The following SRC variants were observed in gnomAD, a reference collection of about 807,000 sequenced individuals.
SRC encodes the protein SRC proto-oncogene, non-receptor tyrosine kinase.
SRC carries 13 observed loss-of-function variants against 62.9 expected under a neutral mutation model. The observed-to-expected ratio is 0.21, with a 90% CI of 0.13 to 0.33. The LOEUF (loss-of-function observed/expected upper bound fraction) is 0.33. Ranked by LOEUF, SRC falls within the 10% of genes least tolerant of loss-of-function variation. The probability of loss-of-function intolerance (pLI) is 1.00; values close to 1 mark genes in which losing one functional copy is unlikely to be tolerated. For synonymous variants in SRC, 302 were observed against 317.5 expected, an observed-to-expected ratio of 0.95 and a Z score of 0.52; for missense variants, 457 against 737.3, an observed-to-expected ratio of 0.62 and a Z score of 4.40.
rs1262032987 is a variant in SRC, at chr20:37,402,739, G to A, written c.1271-10G>A. Reference sequence around the variant, plus strand: ...GGTCAGAGCTGCCCTGACCTTTCTCGTTCCTGCAGGTGCCAAATTCCCCAT... The same window carrying A: ...GGTCAGAGCTGCCCTGACCTTTCTCATTCCTGCAGGTGCCAAATTCCCCAT... On this transcript the variant is annotated splice_polypyrimidine_tract_variant and intron_variant, in intron 12 of 13. Coordinates refer to ENST00000373578, the MANE Select transcript of SRC (RefSeq NM_198291.3). This position sits in a 1 kb window ranked among gnomAD's most constrained non-coding sequence, Gnocchi z 6.2. 3.1e-6 allele frequency: 5 copies of A among 1,607,700 alleles called. No homozygotes were observed. The highest frequency in any genetic ancestry group is 1.7e-5 in the Admixed American group (1 of 59,464).
At chr20:37,400,334 C>G (rs201595473) in intron 10 of SRC, 40 bp downstream of exon 10, 1 of 1,556,150 alleles carries the variant, frequency 6.4e-7, no homozygotes, top group South Asian at 1.2e-5. Flanking sequence ...AGGGGCACTC[C>G]GGACAGGGCA....
upstream of SRC, among the ~76,000 whole-genome samples, chr20:37,345,976 C>A (rs1275038841): frequency 6.6e-6 from 1 of 151,644 alleles, no homozygotes; most frequent in East Asian, 2.0e-4. Context: ...GGCGGGGAAT[C>A]CGTCCCCGCG....
chr20:37,364,175 CG>C (rs989620527), intron 1 of SRC, among the ~76,000 whole-genome samples: 2 of 152,138 alleles, frequency 1.3e-5, no homozygotes, highest in African/African-American at 4.8e-5. Context: ...GATGCCCTGC[CG>C]GGGCCTCCTT....
In SRC at chr20:37,384,549, G is replaced by A. The variant is rs1269796298; in HGVS notation, c.250+146G>A. ...CCTGGGTGACTTGGGTGTCCGGGGG[G>A]TGGGGGGGCGGCCGTACACACTGTG... On this transcript the variant is annotated intron_variant, in intron 4 of 13. Coordinates refer to ENST00000373578, the MANE Select transcript of SRC (RefSeq NM_198291.3). The surrounding 1 kb of genome is among the most constrained non-coding windows in gnomAD (Gnocchi z 6.7). 5.3e-6 allele frequency: 5 copies of A among 937,900 alleles called. No homozygotes were observed. In the African/African-American group the frequency reaches 7.2e-5, roughly 14 times the overall value. The allele number at this position is 937,900 out of a possible 1,614,324, so 58.1% of individuals were successfully genotyped here. A position where few individuals can be genotyped will look rare whatever the true frequency, so the allele number is the denominator to read the frequency against.
At chr20:37,357,995 G>C (rs2069908745) in intron 1 of SRC, among the ~76,000 whole-genome samples, 1 of 152,202 alleles carries the variant, frequency 6.6e-6, no homozygotes, top group Non-Finnish European at 1.5e-5. Context: ...GGCCTTGGAG[G>C]CCCCTGTGAC....
At position 37,397,879 on chromosome 20, in the gene SRC, G is replaced by A; in HGVS notation, c.859+25G>A. 1 of 1,595,644 alleles carries A rather than the reference G, an allele frequency of 6.3e-7. No homozygotes were observed. Among genetic ancestry groups the A allele is most frequent in the Non-Finnish European group, 8.5e-7 (1 of 1,173,360 alleles). ...GGTAAGGCCTGGCCCCTGCCCTCGG[G>A]AGAGGCATCCACCCCCCACCCCGTG... On this transcript the variant is annotated intron_variant, in intron 9 of 13. Transcript: ENST00000373578. This position sits in a 1 kb window ranked among gnomAD's most constrained non-coding sequence, Gnocchi z 4.1.
At chr20:37,388,695 C>T (rs1234936691) in intron 5 of SRC, among the ~76,000 whole-genome samples, 2 of 152,028 alleles carry the variant, frequency 1.3e-5, no homozygotes, top group Admixed American at 1.3e-4. Flanking sequence ...TGCAGTGAGC[C>T]ATGATCGTGC....
At chr20:37,372,975 A>T (rs1049565402) in intron 2 of SRC, among the ~76,000 whole-genome samples, 1 of 152,116 alleles carries the variant, frequency 6.6e-6, no homozygotes, top group Non-Finnish European at 1.5e-5. Flanking sequence ...TGCTTTCCCC[A>T]TTCAGAGATA....
chr20:37,393,821 A>C, intron 5 of SRC, 74 bp from the exon 6 acceptor site: 1 of 1,161,276 alleles, frequency 8.6e-7, no homozygotes. Flanking sequence ...CACAGCACCT[A>C]GGAGGATGGT....
intron 2 of SRC, among the ~76,000 whole-genome samples, chr20:37,377,874 G>GT (rs2070300929): frequency 6.6e-6 from 1 of 151,844 alleles, no homozygotes; most frequent in Admixed American, 6.6e-5. Context: ...TTTTTTTAAA[G>GT]TTTTTTTAAT....
At position 37,397,000 on chromosome 20, in the gene SRC, G is replaced by C. The variant is rs888558573; in HGVS notation, c.703+689G>C. ...GCCACTCTCTGTCTCTTCGGCCACC[G>C]CTGTGTAGCTCATTCTGAACCCCTT... On this transcript the variant is annotated intron_variant, in intron 8 of 13. Transcript: ENST00000373578. The surrounding 1 kb of genome is among the most constrained non-coding windows in gnomAD (Gnocchi z 6.1). Among the ~76,000 whole-genome samples the C allele has an allele frequency of 6.6e-6, 1 of 152,100 alleles. No individual in the cohort carries two copies. The highest frequency in any genetic ancestry group is 1.5e-5 in the Non-Finnish European group (1 of 68,020).
At position 37,384,008 on chromosome 20, in the gene SRC, T is replaced by A. The variant is rs1600995997; in HGVS notation, c.-4-142T>A. The A allele has an allele frequency of 7.9e-6, 9 of 1,137,504 alleles. No individual in the cohort carries two copies. In the East Asian group the frequency reaches 2.5e-4, roughly 31 times the overall value. 70.5% of individuals were successfully genotyped at this position (1,137,504 alleles called of 1,614,324 possible). A position where few individuals can be genotyped will look rare whatever the true frequency, so the allele number is the denominator to read the frequency against. On this transcript the variant is annotated intron_variant, in intron 3 of 13. Transcript: ENST00000373578. The surrounding 1 kb of genome is among the most constrained non-coding windows in gnomAD (Gnocchi z 6.7). ...GCTTCGGCCTCCCAAAGTGCTGGGA[T>A]TACAGGCGTGAGCCACCGCGCCCGG... is the stretch of plus-strand genomic sequence containing the variant.
At position 37,398,488 on chromosome 20, in the gene SRC, G is replaced by A. The variant is rs1021700854; in HGVS notation, c.859+634G>A. Among the ~76,000 whole-genome samples, 11 of 152,190 alleles carry A rather than the reference G, an allele frequency of 7.2e-5. No individual in the cohort carries two copies. The highest frequency in any genetic ancestry group is 8.8e-5 in the Non-Finnish European group (6 of 68,032). On this transcript the variant is annotated intron_variant, in intron 9 of 13. Coordinates refer to ENST00000373578, the MANE Select transcript of SRC (RefSeq NM_198291.3). This position sits in a 1 kb window ranked among gnomAD's most constrained non-coding sequence, Gnocchi z 5.2. ...ATGGTGCTAGCGGGGATCACGGTGCGCTGTTTTCAAGGTGGTTTCATCTGA... is the reference window on the plus strand; with the variant it reads ...ATGGTGCTAGCGGGGATCACGGTGCACTGTTTTCAAGGTGGTTTCATCTGA...
chr20:37,387,335 A>G (rs994608246), intron 5 of SRC, among the ~76,000 whole-genome samples: 1 of 152,188 alleles, frequency 6.6e-6, no homozygotes, highest in African/African-American at 2.4e-5. Flanking sequence ...GCCAGTTGCC[A>G]TGCCAGTCGT....
At position 37,384,423 on chromosome 20, in the gene SRC, G is replaced by A. The variant is rs765636360; in HGVS notation, c.250+20G>A. 3.1e-5 allele frequency: 41 copies of A among 1,340,534 alleles called. No individual in the cohort carries two copies. The South Asian group carries it at 7.2e-4, about 24-fold the overall frequency. 83.0% of individuals were successfully genotyped at this position (1,340,534 alleles called of 1,614,324 possible). On this transcript the variant is annotated intron_variant, in intron 4 of 13. Transcript: ENST00000373578. This position sits in a 1 kb window ranked among gnomAD's most constrained non-coding sequence, Gnocchi z 6.7. Reference sequence around the variant, plus strand: ...TGGCCGGTCAGTGCGCGGGCGGCGCGGGGTCCTCGCCCACCTGGGGCCACG... The same window carrying A: ...TGGCCGGTCAGTGCGCGGGCGGCGCAGGGTCCTCGCCCACCTGGGGCCACG...
rs2070696057 is a variant in SRC, at chr20:37,398,731, GAGCAACACC to G, written c.859+878_859+886del. Among the ~76,000 whole-genome samples the G allele has an allele frequency of 1.3e-5, 2 of 152,222 alleles. No individual in the cohort carries two copies. The highest frequency in any genetic ancestry group is 4.1e-4 in the South Asian group (2 of 4,832). ...GGGCACAGCCACAAAGTGAGGACTT[GAGCAACACC>G]TGGGTGAATGCACAGCGTCAGCCAT... On this transcript the variant is annotated intron_variant, in intron 9 of 13. Transcript: ENST00000373578. This position sits in a 1 kb window ranked among gnomAD's most constrained non-coding sequence, Gnocchi z 5.2.
chr20:37,386,688 C>T (rs1013951659), intron 5 of SRC, among the ~76,000 whole-genome samples: 4 of 152,190 alleles, frequency 2.6e-5, no homozygotes, highest in Non-Finnish European at 5.9e-5. Flanking sequence ...ATTGCACTCT[C>T]CTGCACATCT....
chr20:37,359,392 G>C (rs1469413408), intron 1 of SRC, among the ~76,000 whole-genome samples: 1 of 152,228 alleles, frequency 6.6e-6, no homozygotes, highest in African/African-American at 2.4e-5. Context: ...CACACAGCCC[G>C]TAAGAAGGCG....
chr20:37,378,274 C>A (rs920260226), intron 2 of SRC, among the ~76,000 whole-genome samples: 6 of 151,412 alleles, frequency 4.0e-5, no homozygotes, highest in East Asian at 1.9e-4. Context: ...GTGATCCCCC[C>A]ACCTCAGCCT....
Sources: gnomAD v4.1 joint callset for allele counts (sites outside exome capture counted in the v4.1 genomes callset) on GRCh38, gnomAD v4.1.1 for gene constraint, Gnocchi (gnomAD v3.1) non-coding constraint, MANE v1.5 for transcripts, NCBI Gene and HGNC (gene_info 2026-07-23, HGNC 2026-07-21) for gene names.